PCDHA12: variants seen among roughly 807,000 people sequenced by gnomAD.
PCDHA12 encodes the protein protocadherin alpha-12.
Under a neutral mutation model 60.0 loss-of-function variants are expected in PCDHA12, and 44 were observed. The observed-to-expected ratio is 0.73, with a 90% CI of 0.58 to 0.94. The LOEUF (loss-of-function observed/expected upper bound fraction) is 0.94. Ranked by LOEUF, PCDHA12 falls within the 40% of genes least tolerant of loss-of-function variation. The pLI is 0.00. For synonymous variants in PCDHA12, 569 were observed against 553.0 expected, an observed-to-expected ratio of 1.03 and a Z score of -0.40; for missense variants, 1,276 against 1,239.7, an observed-to-expected ratio of 1.03 and a Z score of -0.44.
Position 140,876,141 on chromosome 5 carries a change from AG to A in PCDHA12, c.672del (p.Ser225LeufsTer6). On this transcript the variant is annotated frameshift_variant, in exon 1 of 4. Coordinates refer to ENST00000398631, the MANE Select transcript of PCDHA12 (RefSeq NM_018903.4). LOFTEE classifies it high-confidence loss of function. ...TCGATGGCGGTAAACCAGAACTAAC[AG>A]GGTCTGTCCAGATTCAAATAACCGT... ...VIDGGKPELTGSVQIQITVLD... is the reference protein window; with the variant it reads ...VIDGGKPELTXSVQIQITVLD... 1 of 1,613,984 alleles carries A rather than the reference AG, an allele frequency of 6.2e-7. No individual in the cohort carries two copies. The highest frequency in any genetic ancestry group is 8.5e-7 in the Non-Finnish European group (1 of 1,179,910).
intron 1 of PCDHA12, among the ~76,000 whole-genome samples, chr5:140,923,974 C>A (rs2081604148): frequency 6.6e-6 from 1 of 152,212 alleles, no homozygotes; most frequent in African/African-American, 2.4e-5. Flanking sequence ...CCCACACATA[C>A]TATCCCTCTA....
intron 1 of PCDHA12, among the ~76,000 whole-genome samples, chr5:140,949,544 T>C (rs981428881): frequency 5.3e-5 from 8 of 151,908 alleles, no homozygotes; most frequent in Non-Finnish European, 1.2e-4. Flanking sequence ...TATCGATTTG[T>C]TGCTGGTCAT....
At chr5:140,962,543 G>T (rs962454688) in intron 1 of PCDHA12, among the ~76,000 whole-genome samples, 1 of 152,176 alleles carries the variant, frequency 6.6e-6, no homozygotes, top group Non-Finnish European at 1.5e-5. Flanking sequence ...AACTAAAAAT[G>T]TAGAGGATCT....
chr5:140,907,114 G>A (rs1422379312), intron 1 of PCDHA12, among the ~76,000 whole-genome samples: 1 of 152,164 alleles, frequency 6.6e-6, no homozygotes, highest in Non-Finnish European at 1.5e-5. Context: ...TCCACCCCTT[G>A]ATTCCTGGAC....
intron 1 of PCDHA12, among the ~76,000 whole-genome samples, chr5:140,892,705 T>C (rs1395351366): frequency 6.6e-6 from 1 of 152,210 alleles, no homozygotes; most frequent in Non-Finnish European, 1.5e-5. Flanking sequence ...TCAGGGTAAT[T>C]AGCATATTCA....
At chr5:140,926,703 C>A in intron 1 of PCDHA12, 2 of 835,416 alleles carry the variant, frequency 2.4e-6, no homozygotes, top group Non-Finnish European at 3.4e-6. Context: ...CGGCTCCCAG[C>A]TGGCCAGCCC....
chr5:140,955,175 A>G (rs1212192227), intron 1 of PCDHA12, among the ~76,000 whole-genome samples: 1 of 152,058 alleles, frequency 6.6e-6, no homozygotes, highest in Non-Finnish European at 1.5e-5. Flanking sequence ...TGGTTACTGT[A>G]GTTTTGTGGT....
intron 3 of PCDHA12, among the ~76,000 whole-genome samples, chr5:140,999,615 A>G (rs535054544): frequency 5.3e-5 from 8 of 152,322 alleles, no homozygotes; most frequent in Admixed American, 3.3e-4. Flanking sequence ...GACCTTATCA[A>G]CCAGGAAACA....
At chr5:140,967,823 G>A in intron 1 of PCDHA12, 2 of 1,614,162 alleles carry the variant, frequency 1.2e-6, no homozygotes, top group Non-Finnish European at 8.5e-7. Context: ...CAAGGTGCTG[G>A]TGGACATCGT....
intron 3 of PCDHA12, among the ~76,000 whole-genome samples, chr5:140,984,079 G>A (rs1554245959): frequency 2.0e-5 from 3 of 152,244 alleles, no homozygotes; most frequent in Admixed American, 2.0e-4. Context: ...CAACGATGGA[G>A]TGAAGAAATG....
At chr5:140,925,671 A>AATAATAATAATAATG (rs1445697337) in intron 1 of PCDHA12, among the ~76,000 whole-genome samples, 106 of 148,180 alleles carry the variant, frequency 7.2e-4, no homozygotes, top group African/African-American at 2.6e-3. Context: ...TAATAATAAT[A>AATAATAATAATAATG]ATAATAAAGC....
chr5:140,886,422 T>G (rs930235903), intron 1 of PCDHA12, among the ~76,000 whole-genome samples: 1 of 152,240 alleles, frequency 6.6e-6, no homozygotes, highest in Non-Finnish European at 1.5e-5. Flanking sequence ...TCCTATATTA[T>G]TTCTATTCAT....
chr5:140,986,545 G>T (rs1554248133), intron 3 of PCDHA12, among the ~76,000 whole-genome samples: 1 of 152,172 alleles, frequency 6.6e-6, no homozygotes, highest in East Asian at 1.9e-4. Context: ...GCTTCAGTGG[G>T]CCAGGCTGCT....
chr5:140,926,954 A>T, intron 1 of PCDHA12: 1 of 1,597,602 alleles, frequency 6.3e-7, no homozygotes, highest in Non-Finnish European at 8.6e-7. Flanking sequence ...GCAGCGGGAC[A>T]GCTCGAGTAC....
intron 1 of PCDHA12, among the ~76,000 whole-genome samples, chr5:140,960,717 TATTTTAGTCCATG>T (rs1244851083): frequency 3.3e-4 from 10 of 30,264 alleles, no homozygotes; most frequent in African/African-American, 2.5e-3. Flanking sequence ...ATACTCATCT[TATTTTAGTCCATG>T]ATTTTAGTCC....
intron 3 of PCDHA12, among the ~76,000 whole-genome samples, chr5:140,985,739 CTT>C (rs11372071): frequency 4.2e-4 from 50 of 117,920 alleles, no homozygotes; most frequent in Middle Eastern, 4.8e-3. Context: ...TGATGAATTC[CTT>C]TTTTTTTTTT....
chr5:140,927,822 T>A (rs1554205109), intron 1 of PCDHA12: 1 of 1,614,152 alleles, frequency 6.2e-7, no homozygotes, highest in Admixed American at 1.7e-5. Context: ...AGGCATACAT[T>A]GAGGCGAGGG....
chr5:140,883,065 C>T, intron 1 of PCDHA12: 1 of 1,614,056 alleles, frequency 6.2e-7, no homozygotes, highest in Non-Finnish European at 8.5e-7. Flanking sequence ...AAGCTAAATG[C>T]CACAGATCCT....
At chr5:140,906,933 G>A (rs1214323970) in intron 1 of PCDHA12, among the ~76,000 whole-genome samples, 2 of 152,158 alleles carry the variant, frequency 1.3e-5, no homozygotes, top group African/African-American at 4.8e-5. Flanking sequence ...GTGTCCCGGT[G>A]TCAATCTTAA....
Sources: allele counts gnomAD v4.1 joint callset (sites outside exome capture counted in the v4.1 genomes callset), GRCh38; gene constraint gnomAD v4.1.1; transcripts MANE v1.5; gene names NCBI Gene and HGNC (gene_info 2026-07-23, HGNC 2026-07-21).